The following LRRTM4 variants were observed in gnomAD, a reference collection of about 807,000 sequenced individuals.
LRRTM4 encodes the protein leucine rich repeat transmembrane neuronal 4.
Under a neutral mutation model 47.6 loss-of-function variants are expected in LRRTM4, and 25 were observed. That is an observed-to-expected ratio of 0.53 (90% confidence interval 0.38 to 0.73). The LOEUF (loss-of-function observed/expected upper bound fraction) is 0.73, where lower values mean the gene tolerates loss of function less well. Ranked by LOEUF, LRRTM4 falls within the 30% of genes least tolerant of loss-of-function variation. LRRTM4 has a pLI of 0.00. For missense variants in LRRTM4, 638 were observed against 713.4 expected, an observed-to-expected ratio of 0.89 and a Z score of 1.20; for synonymous variants, 311 against 269.5, an observed-to-expected ratio of 1.15 and a Z score of -1.51.
chr2:76,894,929 T>C (rs1192989985), intron 3 of LRRTM4, among the ~76,000 whole-genome samples: 1 of 151,606 alleles, frequency 6.6e-6, no homozygotes, highest in Non-Finnish European at 1.5e-5. Flanking sequence ...TCATTAATAA[T>C]TTATGCATTA....
At chr2:77,180,789 A>C (rs979418644) in intron 3 of LRRTM4, among the ~76,000 whole-genome samples, 1 of 152,116 alleles carries the variant, frequency 6.6e-6, no homozygotes, top group African/African-American at 2.4e-5. Flanking sequence ...ATACCACAAA[A>C]ACATTTGAAA....
At chr2:77,141,757 A>T (rs1481574125) in intron 3 of LRRTM4, among the ~76,000 whole-genome samples, 1 of 152,176 alleles carries the variant, frequency 6.6e-6, no homozygotes, top group African/African-American at 2.4e-5. Context: ...TGGTATTGTC[A>T]TTATAAACTT....
chr2:76,852,463 A>G (rs895264620), intron 3 of LRRTM4, among the ~76,000 whole-genome samples: 1 of 152,220 alleles, frequency 6.6e-6, no homozygotes, highest in Non-Finnish European at 1.5e-5. Context: ...AGTAAAAATT[A>G]TAACAGATTT....
intron 3 of LRRTM4, among the ~76,000 whole-genome samples, chr2:77,423,097 T>C (rs963269118): frequency 6.6e-6 from 1 of 152,082 alleles, no homozygotes; most frequent in Non-Finnish European, 1.5e-5. Context: ...GATTGAAAAA[T>C]TTTTTAGCAC....
At chr2:76,817,263 T>C (rs1419140710) in intron 3 of LRRTM4, among the ~76,000 whole-genome samples, 1 of 151,758 alleles carries the variant, frequency 6.6e-6, no homozygotes, top group Non-Finnish European at 1.5e-5. Context: ...TTTTAATATA[T>C]GGCAGGAAGT....
At chr2:76,882,093 T>G (rs1160556119) in intron 3 of LRRTM4, among the ~76,000 whole-genome samples, 2 of 152,206 alleles carry the variant, frequency 1.3e-5, no homozygotes, top group African/African-American at 4.8e-5. Flanking sequence ...CATTTCAGAC[T>G]TCTGTAACTT....
At chr2:77,516,728 G>T in intron 3 of LRRTM4, 1 of 966,390 alleles carries the variant, frequency 1.0e-6, no homozygotes. Flanking sequence ...TTTCCTTTTA[G>T]GAATTTATTA....
intron 3 of LRRTM4, among the ~76,000 whole-genome samples, chr2:77,085,594 T>A (rs900547582): frequency 1.3e-5 from 2 of 152,236 alleles, no homozygotes; most frequent in South Asian, 4.1e-4. Flanking sequence ...AATATGCCAT[T>A]TGTTCATTTT....
At chr2:77,054,016 T>C (rs759767875) in intron 3 of LRRTM4, among the ~76,000 whole-genome samples, 3 of 152,194 alleles carry the variant, frequency 2.0e-5, no homozygotes, top group African/African-American at 4.8e-5. Context: ...ATGATAAGTT[T>C]TGGAGTTCTG....
chr2:77,128,238 A>T (rs1671704240), intron 3 of LRRTM4, among the ~76,000 whole-genome samples: 3 of 152,178 alleles, frequency 2.0e-5, no homozygotes, highest in Non-Finnish European at 4.4e-5. Context: ...AATACAGATG[A>T]CGTAAGGGAA....
intron 3 of LRRTM4, among the ~76,000 whole-genome samples, chr2:77,089,388 C>G (rs1237677249): frequency 6.6e-6 from 1 of 151,838 alleles, no homozygotes; most frequent in Non-Finnish European, 1.5e-5. Context: ...TTTCCACGCC[C>G]CAACCTCTTA....
At chr2:76,885,575 G>T (rs1673049197) in intron 3 of LRRTM4, among the ~76,000 whole-genome samples, 1 of 148,826 alleles carries the variant, frequency 6.7e-6, no homozygotes, top group East Asian at 2.0e-4. Flanking sequence ...CCATTCTCCC[G>T]CCTCAGCCTC....
rs932884792 is a variant in LRRTM4, at chr2:76,891,572, T to C, written c.1552-142656A>G. Reference sequence around the variant, plus strand: ...AAAATTTATACAAAAAAAATCCAAATACGAATGAAAATTTAGCATTATAAA... The same window carrying C: ...AAAATTTATACAAAAAAAATCCAAACACGAATGAAAATTTAGCATTATAAA... On this transcript the variant is annotated intron_variant, in intron 3 of 3. Coordinates refer to ENST00000409884, the MANE Select transcript of LRRTM4 (RefSeq NM_001134745.3). Among the ~76,000 whole-genome samples, 11 of 151,438 alleles carry C rather than the reference T, an allele frequency of 7.3e-5. No homozygotes were observed. The East Asian group carries it at 2.1e-3, about 29-fold the overall frequency.
chr2:77,444,229 C>CCGAATATATT (rs1675957915), intron 3 of LRRTM4, among the ~76,000 whole-genome samples: 1 of 152,062 alleles, frequency 6.6e-6, no homozygotes, highest in Non-Finnish European at 1.5e-5. Context: ...TGGATAGATA[C>CCGAATATATT]CGAATATATT....
chr2:76,925,228 C>G (rs558562595), intron 3 of LRRTM4, among the ~76,000 whole-genome samples: 1 of 152,266 alleles, frequency 6.6e-6, no homozygotes. Flanking sequence ...GTTAGAGATG[C>G]TTTCCTACTC....
intron 3 of LRRTM4, among the ~76,000 whole-genome samples, chr2:77,260,195 G>T (rs1186771621): frequency 6.6e-6 from 1 of 152,000 alleles, no homozygotes; most frequent in Non-Finnish European, 1.5e-5. Context: ...AAATATGTGG[G>T]CAAGGCACAG....
intron 3 of LRRTM4, among the ~76,000 whole-genome samples, chr2:77,000,649 C>G (rs1243451116): frequency 1.3e-5 from 2 of 152,080 alleles, no homozygotes; most frequent in African/African-American, 4.8e-5. Context: ...GTTTGTGGAA[C>G]AGGAAGCAAA....
At chr2:77,195,594 G>T (rs958110685) in intron 3 of LRRTM4, among the ~76,000 whole-genome samples, 1 of 151,908 alleles carries the variant, frequency 6.6e-6, no homozygotes, top group Non-Finnish European at 1.5e-5. Context: ...GTAAATATTT[G>T]TCTTTAAGCT....
At chr2:77,218,788 C>A (rs569011033) in intron 3 of LRRTM4, among the ~76,000 whole-genome samples, 7 of 152,176 alleles carry the variant, frequency 4.6e-5, no homozygotes, top group African/African-American at 1.4e-4. Flanking sequence ...TTTGCAGCTC[C>A]ATTTGTGCAA....
Sources: gnomAD v4.1 joint callset for allele counts (sites outside exome capture counted in the v4.1 genomes callset) on GRCh38, gnomAD v4.1.1 for gene constraint, MANE v1.5 for transcripts, NCBI Gene and HGNC (gene_info 2026-07-23, HGNC 2026-07-21) for gene names.